The following SH3KBP1 variants were observed in gnomAD, a reference collection of about 807,000 sequenced individuals.
The protein encoded by SH3KBP1 is SH3 domain-containing kinase-binding protein 1.
In SH3KBP1, 8 loss-of-function variants were observed where a neutral mutation model predicts 50.1. That is an observed-to-expected ratio of 0.16 (90% CI 0.09 to 0.29). The LOEUF is 0.29. Among genes scored for constraint, SH3KBP1 ranks in the 10% least tolerant of loss-of-function variants. The probability of loss-of-function intolerance (pLI) is 1.00; values close to 1 mark genes in which losing one functional copy is unlikely to be tolerated. For synonymous variants in SH3KBP1, 227 were observed against 218.6 expected (o/e 1.04, Z -0.34); for missense variants, 377 against 535.2 (o/e 0.70, Z 2.92).
At chrX:19,647,885 C>T (rs1351329427) in intron 6 of SH3KBP1, among the ~76,000 whole-genome samples, 1 of 111,265 alleles carries the variant, frequency 9.0e-6, no homozygotes, top group South Asian at 3.8e-4. Context: ...CCAGCAGTCT[C>T]TAGGAACACA....
intron 1 of SH3KBP1, among the ~76,000 whole-genome samples, chrX:19,881,603 C>T (rs997955654): frequency 3.6e-5 from 4 of 111,472 alleles, no homozygotes; most frequent in African/African-American, 1.3e-4. Context: ...TGACGAGGTT[C>T]CTGCCCTTGT....
intron 1 of SH3KBP1, among the ~76,000 whole-genome samples, chrX:19,878,373 G>A (rs767006103): frequency 5.5e-4 from 57 of 103,101 alleles, no homozygotes; most frequent in African/African-American, 1.9e-3. Context: ...GTGCGATGTC[G>A]GCTCACTGTA....
At chrX:19,538,905 T>C (rs1233722236) in intron 16 of SH3KBP1, among the ~76,000 whole-genome samples, 2 of 112,366 alleles carry the variant, frequency 1.8e-5, no homozygotes, top group African/African-American at 6.5e-5. Flanking sequence ...TTATTTTCAA[T>C]AGGGTTTTTA....
chrX:19,799,248 G>T (rs1437923191), intron 2 of SH3KBP1, among the ~76,000 whole-genome samples: 1 of 111,436 alleles, frequency 9.0e-6, no homozygotes, highest in Non-Finnish European at 1.9e-5. Context: ...GCCTGCAGGG[G>T]GTTTGGTTGA....
chrX:19,811,487 G>A (rs753563398), intron 2 of SH3KBP1, among the ~76,000 whole-genome samples: 3 of 111,864 alleles, frequency 2.7e-5, no homozygotes, highest in Non-Finnish European at 5.6e-5. Flanking sequence ...TCGGCAGCAG[G>A]CATCACACTC....
rs374661360 is a variant in SH3KBP1, at chrX:19,729,950, C to T, written c.286+16368G>A. Among the ~76,000 whole-genome samples, 8 of 111,718 alleles carry T rather than the reference C, an allele frequency of 7.2e-5. No individual in the cohort carries two copies. The South Asian group carries it at 1.9e-3, about 26-fold the overall frequency. ...ACAGGATTTTCATTTCTAGTGTATG[C>T]TGGTTTTCCCATCCCTAACCACACA... On this transcript the variant is annotated intron_variant, in intron 3 of 17. Transcript: ENST00000397821.
chrX:19,830,130 G>A (rs1056656577), intron 2 of SH3KBP1, among the ~76,000 whole-genome samples: 1 of 110,716 alleles, frequency 9.0e-6, no homozygotes, highest in East Asian at 2.8e-4. Flanking sequence ...CTCCTATCTC[G>A]TCCTGTGACT....
At chrX:19,859,046 C>T (rs769464309) in intron 1 of SH3KBP1, among the ~76,000 whole-genome samples, 1 of 112,063 alleles carries the variant, frequency 8.9e-6, no homozygotes, top group East Asian at 2.8e-4. Context: ...ACAGTGTTTT[C>T]AAGATGAAGG....
intron 1 of SH3KBP1, among the ~76,000 whole-genome samples, chrX:19,871,299 T>A (rs1338803351): frequency 8.9e-6 from 1 of 111,850 alleles, no homozygotes; most frequent in East Asian, 2.8e-4. Context: ...GTTTGAGGAG[T>A]TCCCCTGGTT....
At chrX:19,649,716 A>C (rs1384175790) in intron 6 of SH3KBP1, among the ~76,000 whole-genome samples, 1 of 111,937 alleles carries the variant, frequency 8.9e-6, no homozygotes, top group East Asian at 2.8e-4. Context: ...CTAGCGCTAC[A>C]AGATCCAGTG....
chrX:19,761,625 A>G (rs2065437970), intron 2 of SH3KBP1, among the ~76,000 whole-genome samples: 1 of 111,576 alleles, frequency 9.0e-6, no homozygotes, highest in African/African-American at 3.3e-5. Context: ...AAACCAAGAG[A>G]GCAGCAATGA....
chrX:19,721,663 A>C (rs1488812237), intron 3 of SH3KBP1, among the ~76,000 whole-genome samples: 2 of 111,244 alleles, frequency 1.8e-5, no homozygotes, highest in African/African-American at 6.6e-5. Context: ...GTTCCATGGA[A>C]ATTTTTTAAA....
chrX:19,790,916 G>A (rs746502863), intron 2 of SH3KBP1, among the ~76,000 whole-genome samples: 60 of 110,752 alleles, frequency 5.4e-4, no homozygotes, highest in African/African-American at 1.9e-3. Context: ...GCATGTCATC[G>A]AATACTCCCA....
intron 2 of SH3KBP1, among the ~76,000 whole-genome samples, chrX:19,772,448 A>G (rs1215484195): frequency 1.8e-5 from 2 of 111,356 alleles, no homozygotes; most frequent in East Asian, 5.6e-4. Context: ...GAAAAAAATA[A>G]GGCCCAAACA....
intron 2 of SH3KBP1, among the ~76,000 whole-genome samples, chrX:19,756,018 T>C (rs2065199589): frequency 9.0e-6 from 1 of 110,807 alleles, no homozygotes; most frequent in Non-Finnish European, 1.9e-5. Flanking sequence ...GACAGGAGTC[T>C]TGCCGATGCT....
chrX:19,675,574 T>C (rs2062908431), intron 6 of SH3KBP1, among the ~76,000 whole-genome samples: 1 of 110,749 alleles, frequency 9.0e-6, no homozygotes, highest in South Asian at 3.8e-4. Context: ...CCAGCTAATT[T>C]TTTGAATTTT....
At chrX:19,730,128 T>C (rs2064333142) in intron 3 of SH3KBP1, among the ~76,000 whole-genome samples, 1 of 111,685 alleles carries the variant, frequency 9.0e-6, no homozygotes, top group South Asian at 3.7e-4. Context: ...AGTGATATTA[T>C]CAAAGAGCTG....
chrX:19,738,081 C>T (rs1229327588), intron 3 of SH3KBP1, among the ~76,000 whole-genome samples: 1 of 111,532 alleles, frequency 9.0e-6, no homozygotes, highest in African/African-American at 3.3e-5. Flanking sequence ...ATCTTAAAGC[C>T]CAACATATCC....
intron 7 of SH3KBP1, among the ~76,000 whole-genome samples, chrX:19,638,516 C>A (rs2061773259): frequency 9.0e-6 from 1 of 111,330 alleles, no homozygotes; most frequent in East Asian, 2.8e-4. Context: ...CTGGGCCCCA[C>A]CCCCAGGGGT....
Sources: allele counts gnomAD v4.1 joint callset (sites outside exome capture counted in the v4.1 genomes callset), GRCh38; gene constraint gnomAD v4.1.1; transcripts MANE v1.5; gene names NCBI Gene and HGNC (gene_info 2026-07-23, HGNC 2026-07-21).